COL5A1: variants seen among roughly 807,000 people sequenced by gnomAD.
COL5A1 encodes the protein collagen type V alpha 1 chain, also known as collagen alpha-1(V) chain.
Under a neutral mutation model 263.7 loss-of-function variants are expected in COL5A1, and 16 were observed. The observed-to-expected ratio is 0.06, with a 90% CI of 0.04 to 0.09. The LOEUF is 0.09. Ranked by LOEUF, COL5A1 falls within the 10% of genes least tolerant of loss-of-function variation. COL5A1 has a pLI of 1.00. For missense variants in COL5A1, 2,036 were observed against 2,540.5 expected, an observed-to-expected ratio of 0.80 and a Z score of 4.27; for synonymous variants, 1,012 against 1,004.5, an observed-to-expected ratio of 1.01 and a Z score of -0.14.
intron 2 of COL5A1, 135 bp from the exon 3 acceptor site, chr9:134,699,774 G>C (rs1833603450): frequency 3.6e-6 from 3 of 828,398 alleles, no homozygotes; most frequent in South Asian, 1.4e-5. Context: ...GGGCAGATGT[G>C]CAGCAGATGG....
chr9:134,822,219 C>T, intron 59 of COL5A1, 69 bp downstream of exon 59: 1 of 1,282,516 alleles, frequency 7.8e-7, no homozygotes, highest in Non-Finnish European at 1.1e-6. Flanking sequence ...CTTGGGGCCT[C>T]AGTGTGGAGC....
At chr9:134,780,873 G>A (rs150963635) in intron 28 of COL5A1, among the ~76,000 whole-genome samples, 28 of 151,958 alleles carry the variant, frequency 1.8e-4, no homozygotes, top group South Asian at 6.3e-4. Context: ...CGGCCTCACC[G>A]TGCCACCCTC....
intron 31 of COL5A1, among the ~76,000 whole-genome samples, chr9:134,787,887 G>C (rs1156610626): frequency 6.6e-6 from 1 of 152,220 alleles, no homozygotes; most frequent in East Asian, 1.9e-4. Flanking sequence ...TGGCAGGGGA[G>C]GGAGCATGAT....
chr9:134,643,357 G>A (rs543744869), intron 1 of COL5A1, among the ~76,000 whole-genome samples: 1 of 152,188 alleles, frequency 6.6e-6, no homozygotes, highest in Non-Finnish European at 1.5e-5. Context: ...CGGGCAGAGC[G>A]ATGGGACGGT....
chr9:134,685,303 AT>A (rs1833000509), intron 1 of COL5A1, among the ~76,000 whole-genome samples: 1 of 148,622 alleles, frequency 6.7e-6, no homozygotes, highest in Admixed American at 6.7e-5. Flanking sequence ...CCATCCATCC[AT>A]CCACCATCCA....
At position 134,789,365 on chromosome 9, in the gene COL5A1, C is replaced by T. The variant is rs963134079; in HGVS notation, c.2700+157C>T. On this transcript the variant is annotated intron_variant, in intron 32 of 65. Transcript: ENST00000371817. The surrounding 1 kb of genome is among the most constrained non-coding windows in gnomAD (Gnocchi z 4.8). Reference sequence around the variant, plus strand: ...CTTAAGCTCTTGAACTTCAGCACCACGTGTTGGTGACACTCTCCAGACGCT... The same window carrying T: ...CTTAAGCTCTTGAACTTCAGCACCATGTGTTGGTGACACTCTCCAGACGCT... 3.3e-5 allele frequency among the ~76,000 whole-genome samples: 5 copies of T among 152,170 alleles called. No homozygotes were observed. Among genetic ancestry groups the T allele is most frequent in the South Asian group, 4.2e-4 (2 of 4,802 alleles).
intron 1 of COL5A1, 139 bp from the exon 2 acceptor site, chr9:134,690,773 G>T: frequency 9.5e-7 from 1 of 1,056,112 alleles, no homozygotes; most frequent in Admixed American, 1.9e-5. Context: ...GCGGCTCTAA[G>T]CTGGTCCTGG....
At chr9:134,679,534 G>A (rs1156812646) in intron 1 of COL5A1, among the ~76,000 whole-genome samples, 2 of 101,670 alleles carry the variant, frequency 2.0e-5, no homozygotes, top group Admixed American at 9.5e-5. Context: ...GGGCTGGTTG[G>A]GGGCACTGCG....
intron 1 of COL5A1, among the ~76,000 whole-genome samples, chr9:134,673,578 T>C (rs1832605228): frequency 6.6e-6 from 1 of 152,144 alleles, no homozygotes; most frequent in Admixed American, 6.5e-5. Flanking sequence ...ATGGGTCATG[T>C]ATTTAAAGGT....
In COL5A1 at chr9:134,725,173, C is replaced by A. The variant is rs577679451; in HGVS notation, c.655-2093C>A. On this transcript the variant is annotated intron_variant, in intron 4 of 65. Transcript: ENST00000371817. The stretch of plus-strand genomic sequence containing the variant: ...TGGTCCTCCAAGTTCTTTTCCCTCC[C>A]TTGAGTGTGGTGGGGCGTGTAGTGG... 1.3e-5 allele frequency among the ~76,000 whole-genome samples: 2 copies of A among 152,114 alleles called. 1 individual carries two copies. Among genetic ancestry groups the A allele is most frequent in the Non-Finnish European group, 2.9e-5 (2 of 68,008 alleles).
chr9:134,683,464 A>C (rs1210561322), intron 1 of COL5A1, among the ~76,000 whole-genome samples: 1 of 152,062 alleles, frequency 6.6e-6, no homozygotes, highest in Non-Finnish European at 1.5e-5. Context: ...TTGGGATCTA[A>C]CTCTACTTGG....
chr9:134,666,468 C>G (rs1348863683), intron 1 of COL5A1, among the ~76,000 whole-genome samples: 1 of 152,202 alleles, frequency 6.6e-6, no homozygotes, highest in Non-Finnish European at 1.5e-5. Flanking sequence ...GGCTCTGGGC[C>G]TTGGGTGTCA....
chr9:134,683,790 C>A (rs1832930630), intron 1 of COL5A1, among the ~76,000 whole-genome samples: 1 of 152,214 alleles, frequency 6.6e-6, no homozygotes, highest in South Asian at 2.1e-4. Flanking sequence ...GCTCATTGCA[C>A]CCCCTTTCCT....
At chr9:134,655,744 G>T (rs1260831887) in intron 1 of COL5A1, among the ~76,000 whole-genome samples, 1 of 152,170 alleles carries the variant, frequency 6.6e-6, no homozygotes, top group East Asian at 1.9e-4. Flanking sequence ...GTGTGACCAG[G>T]CTGGACTCAG....
chr9:134,706,067 G>C (rs1447732075), intron 4 of COL5A1, among the ~76,000 whole-genome samples: 1 of 152,236 alleles, frequency 6.6e-6, no homozygotes, highest in Non-Finnish European at 1.5e-5. Context: ...GCTGGCAGGA[G>C]ATCCCCCTGG....
At chr9:134,664,563 G>A (rs1832302134) in intron 1 of COL5A1, among the ~76,000 whole-genome samples, 1 of 152,202 alleles carries the variant, frequency 6.6e-6, no homozygotes, top group African/African-American at 2.4e-5. Context: ...AAATACAGGT[G>A]ACTTTTAAAC....
At chr9:134,707,946 G>A (rs189493868) in intron 4 of COL5A1, among the ~76,000 whole-genome samples, 1 of 152,220 alleles carries the variant, frequency 6.6e-6, no homozygotes, top group East Asian at 1.9e-4. Context: ...GCTCCGGGAC[G>A]TGAGGGGATT....
chr9:134,761,794 C>G (rs962059800), intron 18 of COL5A1, 131 bp from the exon 19 acceptor site: 1 of 930,210 alleles, frequency 1.1e-6, no homozygotes, highest in Non-Finnish European at 1.8e-6. Flanking sequence ...GGAAAATTCC[C>G]CCATTCTGGA....
At chr9:134,673,743 A>T (rs1348386376) in intron 1 of COL5A1, among the ~76,000 whole-genome samples, 1 of 152,250 alleles carries the variant, frequency 6.6e-6, no homozygotes, top group African/African-American at 2.4e-5. Flanking sequence ...ACAACACCTT[A>T]TACTTTTCAA....
Sources: allele counts gnomAD v4.1 joint callset (sites outside exome capture counted in the v4.1 genomes callset), GRCh38; gene constraint gnomAD v4.1.1; non-coding constraint Gnocchi (gnomAD v3.1); transcripts MANE v1.5; gene names NCBI Gene and HGNC (gene_info 2026-07-23, HGNC 2026-07-21).